Variants in RALYL observed in about 807,000 individuals in gnomAD.
The protein encoded by RALYL is RALY RNA binding protein like.
RALYL carries 29 observed loss-of-function variants against 35.1 expected under a neutral mutation model. That is an observed-to-expected ratio of 0.83 (90% CI 0.61 to 1.13). The LOEUF (loss-of-function observed/expected upper bound fraction) is 1.13. Ranked by LOEUF, RALYL falls within the 50% of genes most tolerant of loss-of-function variation. RALYL has a pLI of 0.00. For synonymous variants in RALYL, 120 were observed against 127.6 expected (o/e 0.94, Z 0.40); for missense variants, 359 against 360.4 (o/e 1.00, Z 0.03).
At chr8:84,330,794 T>A (rs768652607) in intron 1 of RALYL, among the ~76,000 whole-genome samples, 3 of 152,090 alleles carry the variant, frequency 2.0e-5, no homozygotes, top group Non-Finnish European at 4.4e-5. Context: ...TCTTGAGACA[T>A]TAAATCAATA....
At chr8:84,371,572 C>CACAGAAAGAGAGAGAG (rs60104734) in intron 1 of RALYL, among the ~76,000 whole-genome samples, 250 of 147,454 alleles carry the variant, frequency 1.7e-3, no homozygotes, top group African/African-American at 6.0e-3. Flanking sequence ...CACACACACA[C>CACAGAAAGAGAGAGAG]AGAAAGAGAG....
chr8:84,268,837 T>C (rs1246166670), intron 1 of RALYL, among the ~76,000 whole-genome samples: 1 of 152,210 alleles, frequency 6.6e-6, no homozygotes, highest in Non-Finnish European at 1.5e-5. Flanking sequence ...TGTTCATTCT[T>C]TGGAATATAA....
intron 1 of RALYL, among the ~76,000 whole-genome samples, chr8:84,419,817 T>C (rs1431799630): frequency 6.6e-6 from 1 of 151,176 alleles, no homozygotes; most frequent in Non-Finnish European, 1.5e-5. Context: ...GTTCTTGCGA[T>C]AGTTTACTGA....
chr8:84,834,946 A>C (rs1016738193), intron 4 of RALYL, among the ~76,000 whole-genome samples: 3 of 152,226 alleles, frequency 2.0e-5, no homozygotes, highest in Admixed American at 6.5e-5. Context: ...AGCCAAATAC[A>C]ATATAATATA....
intron 8 of RALYL, among the ~76,000 whole-genome samples, chr8:84,910,950 G>A (rs1434289572): frequency 1.3e-5 from 2 of 151,836 alleles, no homozygotes; most frequent in African/African-American, 2.4e-5. Flanking sequence ...ATATTCATGG[G>A]CATGTTTGAT....
At chr8:84,414,081 C>T (rs1358797834) in intron 1 of RALYL, among the ~76,000 whole-genome samples, 2 of 151,890 alleles carry the variant, frequency 1.3e-5, no homozygotes, top group Non-Finnish European at 2.9e-5. Flanking sequence ...CTATTGTGTT[C>T]AGCAGAAAAA....
intron 1 of RALYL, among the ~76,000 whole-genome samples, chr8:84,310,364 A>T (rs987193475): frequency 1.3e-5 from 2 of 152,186 alleles, no homozygotes; most frequent in East Asian, 1.9e-4. Context: ...AGAAAAAAAA[A>T]ATTGGCTAAC....
At chr8:84,761,872 C>T (rs1335774958) in intron 2 of RALYL, among the ~76,000 whole-genome samples, 1 of 152,090 alleles carries the variant, frequency 6.6e-6, no homozygotes, top group Non-Finnish European at 1.5e-5. Flanking sequence ...GGAAAACATA[C>T]ATTCAAGAAC....
chr8:84,277,646 G>A (rs907405329), intron 1 of RALYL, among the ~76,000 whole-genome samples: 1 of 152,192 alleles, frequency 6.6e-6, no homozygotes, highest in Non-Finnish European at 1.5e-5. Context: ...TAGATTCAGT[G>A]GGGGTACAGG....
intron 8 of RALYL, among the ~76,000 whole-genome samples, chr8:84,901,731 T>A (rs1056489731): frequency 6.6e-6 from 1 of 152,128 alleles, no homozygotes; most frequent in East Asian, 1.9e-4. Flanking sequence ...AAAGAGGGGA[T>A]GGATCCTGGC....
chr8:84,618,174 G>T (rs1017897458), intron 2 of RALYL, among the ~76,000 whole-genome samples: 1 of 151,838 alleles, frequency 6.6e-6, no homozygotes, highest in Non-Finnish European at 1.5e-5. Context: ...AATGGTACCA[G>T]TTCTTCCTTG....
chr8:84,873,225 T>C, intron 6 of RALYL, 59 bp from the exon 7 acceptor site: 1 of 915,880 alleles, frequency 1.1e-6, no homozygotes. Flanking sequence ...AGTTCGGTCC[T>C]AGGTGAGTTA....
rs563374846 is a variant in RALYL at position 84,824,125 on chromosome 8, G to T, written c.365+19323G>T. Reference sequence around the variant, plus strand: ...AATGCCCTAAAGACTCCACCAAAAGGCTCCTGCAACTGATATGCCACTTCA... The same window carrying T: ...AATGCCCTAAAGACTCCACCAAAAGTCTCCTGCAACTGATATGCCACTTCA... On this transcript the variant is annotated intron_variant, in intron 4 of 8. Transcript: ENST00000521268. Among the ~76,000 whole-genome samples the T allele has an allele frequency of 2.8e-4, 42 of 152,022 alleles. No individual in the cohort carries two copies. In the South Asian group the frequency reaches 8.7e-3, roughly 32 times the overall value.
At chr8:84,598,409 T>C (rs1815108095) in intron 2 of RALYL, among the ~76,000 whole-genome samples, 1 of 152,182 alleles carries the variant, frequency 6.6e-6, no homozygotes, top group Non-Finnish European at 1.5e-5. Context: ...AGGGAAACTC[T>C]GTAGACCTCC....
intron 2 of RALYL, among the ~76,000 whole-genome samples, chr8:84,590,455 AT>A (rs1812982515): frequency 6.6e-6 from 1 of 152,214 alleles, no homozygotes; most frequent in African/African-American, 2.4e-5. Context: ...AAACTTGTGT[AT>A]TTGAGTTTCA....
rs1485950168 is a variant in RALYL, at chr8:84,637,055, A to T, written c.256+107478A>T. On this transcript the variant is annotated intron_variant, in intron 2 of 8. Transcript: ENST00000521268. ...TAGTCAAACTACCTTCCTATCAGAA[A>T]ATATACATACAGTTATGTAGATGCT... Among the ~76,000 whole-genome samples, 3 of 152,026 alleles carry T rather than the reference A, an allele frequency of 2.0e-5. No homozygotes were observed. In the East Asian group the frequency reaches 5.8e-4, roughly 29 times the overall value.
At chr8:84,837,281 CCTGA>C (rs1832219293) in intron 4 of RALYL, among the ~76,000 whole-genome samples, 1 of 152,086 alleles carries the variant, frequency 6.6e-6, no homozygotes, top group African/African-American at 2.4e-5. Flanking sequence ...TAGTATTGCA[CCTGA>C]CTTACAATTA....
chr8:84,701,145 CT>C (rs1320012889), intron 2 of RALYL, among the ~76,000 whole-genome samples: 1 of 152,112 alleles, frequency 6.6e-6, no homozygotes, highest in African/African-American at 2.4e-5. Flanking sequence ...CTGTGAGTAA[CT>C]TTACATCTAA....
At chr8:84,710,366 C>T (rs912366218) in intron 2 of RALYL, among the ~76,000 whole-genome samples, 4 of 152,058 alleles carry the variant, frequency 2.6e-5, no homozygotes, top group Admixed American at 6.6e-5. Flanking sequence ...GGTACAATCT[C>T]AGCTCACTGC....
Sources: allele counts gnomAD v4.1 joint callset (sites outside exome capture counted in the v4.1 genomes callset), GRCh38; gene constraint gnomAD v4.1.1; transcripts MANE v1.5; gene names NCBI Gene and HGNC (gene_info 2026-07-23, HGNC 2026-07-21).